FOXP2: variants seen among roughly 807,000 people sequenced by gnomAD.
The protein encoded by FOXP2 is forkhead box protein P2.
A neutral mutation model predicts 115.8 loss-of-function variants in FOXP2; 12 were observed. The observed-to-expected ratio is 0.10, with a 90% CI of 0.07 to 0.17. The LOEUF (loss-of-function observed/expected upper bound fraction) is 0.17. FOXP2 is among the 10% of genes least tolerant of loss of function. The pLI, the probability that FOXP2 is intolerant of heterozygous loss-of-function variation, is 1.00. For missense variants in FOXP2, 629 were observed against 843.5 expected, an observed-to-expected ratio of 0.75 and a Z score of 3.15; for synonymous variants, 328 against 297.7, an observed-to-expected ratio of 1.10 and a Z score of -1.05.
chr7:114,204,900 G>A (rs569912404), intron 1 of FOXP2, among the ~76,000 whole-genome samples: 9 of 129,182 alleles, frequency 7.0e-5, no homozygotes, highest in Admixed American at 4.4e-4. Context: ...AGAGTTGGCT[G>A]TTGGTTGTGT....
rs555370216 is a variant in FOXP2 at position 114,510,226 on chromosome 7, G to A, written c.169-24391G>A. On this transcript the variant is annotated intron_variant, in intron 2 of 16. Transcript: ENST00000350908. ...GAGGTGAATCAAAATTTTCATCTCA[G>A]TGTAATTGAGCTGTCCTGATTGCTG... Among the ~76,000 whole-genome samples the A allele has an allele frequency of 2.0e-4, 30 of 152,252 alleles. No individual in the cohort carries two copies. In the South Asian group the frequency reaches 4.1e-3, roughly 21 times the overall value.
intron 1 of FOXP2, among the ~76,000 whole-genome samples, chr7:114,225,180 G>A (rs1562824488): frequency 6.6e-6 from 1 of 151,960 alleles, no homozygotes; most frequent in South Asian, 2.1e-4. Context: ...GTATTAAGGG[G>A]TGGGGTATGT....
chr7:114,688,208 TACACACACACAC>T (rs56751704), intron 16 of FOXP2, among the ~76,000 whole-genome samples: 38,092 of 115,282 alleles, frequency 0.33, 7,856 homozygotes, highest in Non-Finnish European at 0.45. Flanking sequence ...CATACATGCA[TACACACACACAC>T]ACACACACAC....
intron 1 of FOXP2, among the ~76,000 whole-genome samples, chr7:114,282,191 G>A (rs879930667): frequency 4.6e-5 from 7 of 152,136 alleles, no homozygotes; most frequent in Non-Finnish European, 8.8e-5. Context: ...ATGTATATAT[G>A]TTTAGATCTG....
intron 1 of FOXP2, among the ~76,000 whole-genome samples, chr7:114,232,778 G>A (rs144110266): frequency 0.069 from 10,335 of 149,808 alleles, 479 homozygotes; most frequent in African/African-American, 0.14. Flanking sequence ...ATGCCATTGC[G>A]CTCTAGCCTG....
upstream of FOXP2, among the ~76,000 whole-genome samples, chr7:114,413,160 A>G (rs374956403): frequency 3.8e-4 from 58 of 152,248 alleles, 1 homozygote; most frequent in African/African-American, 1.3e-3. Flanking sequence ...GTGATAATGG[A>G]AACTATCCTT....
chr7:114,313,357 A>G (rs1797191831), intron 2 of FOXP2, among the ~76,000 whole-genome samples: 1 of 152,196 alleles, frequency 6.6e-6, no homozygotes, highest in Non-Finnish European at 1.5e-5. Flanking sequence ...TCTGGAGAAG[A>G]CAGTCTCTAA....
At chr7:114,555,493 T>A (rs1800410054) in intron 3 of FOXP2, among the ~76,000 whole-genome samples, 1 of 152,170 alleles carries the variant, frequency 6.6e-6, no homozygotes. Context: ...TATATTGTTT[T>A]GTGGTTAAGA....
chr7:114,411,265 G>A (rs751199479), upstream of FOXP2, among the ~76,000 whole-genome samples: 5 of 151,942 alleles, frequency 3.3e-5, no homozygotes, highest in Non-Finnish European at 7.4e-5. Flanking sequence ...AAGGAAATTG[G>A]GATTAGCCCC....
chr7:114,169,261 G>T (rs760048057), intron 1 of FOXP2, among the ~76,000 whole-genome samples: 5 of 152,210 alleles, frequency 3.3e-5, no homozygotes, highest in Non-Finnish European at 5.9e-5. Context: ...CTCAATGCCA[G>T]CTGGTGAAAG....
At chr7:114,606,512 G>A (rs1803340620) in intron 3 of FOXP2, among the ~76,000 whole-genome samples, 1 of 152,156 alleles carries the variant, frequency 6.6e-6, no homozygotes, top group African/African-American at 2.4e-5. Context: ...CATGAGGTAT[G>A]TCACAATGAG....
At chr7:114,426,372 G>T in intron 1 of FOXP2, 130 bp from the exon 2 acceptor site, 1 of 788,086 alleles carries the variant, frequency 1.3e-6, no homozygotes, top group South Asian at 1.6e-5. Flanking sequence ...CTTGGTAAAT[G>T]ACTATTCAAG....
chr7:114,271,523 T>C, intron 1 of FOXP2, among the ~76,000 whole-genome samples: 1 of 130,496 alleles, frequency 7.7e-6, no homozygotes, highest in Non-Finnish European at 1.6e-5. Flanking sequence ...AATATTAATA[T>C]AATTATTATA....
chr7:114,241,543 C>A (rs914971129), intron 1 of FOXP2, among the ~76,000 whole-genome samples: 1 of 151,814 alleles, frequency 6.6e-6, no homozygotes, highest in African/African-American at 2.4e-5. Flanking sequence ...TACAGATTGG[C>A]CTTCATATGG....
chr7:114,444,885 C>G (rs573798481), intron 2 of FOXP2, among the ~76,000 whole-genome samples: 157 of 151,468 alleles, frequency 1.0e-3, no homozygotes, highest in African/African-American at 3.5e-3. Flanking sequence ...GGTAACCAAG[C>G]TAGGGGTAAC....
intron 3 of FOXP2, among the ~76,000 whole-genome samples, chr7:114,546,979 C>T (rs1799956154): frequency 6.6e-6 from 1 of 152,146 alleles, no homozygotes; most frequent in African/African-American, 2.4e-5. Flanking sequence ...ACTACAGTAT[C>T]ACTTCCATTC....
chr7:114,685,366 A>G (rs1808307041), intron 16 of FOXP2, among the ~76,000 whole-genome samples: 2 of 152,172 alleles, frequency 1.3e-5, no homozygotes, highest in Admixed American at 6.6e-5. Flanking sequence ...GTCATGCAGG[A>G]TAACAAATAG....
chr7:114,259,897 T>G (rs1485887691), intron 1 of FOXP2, among the ~76,000 whole-genome samples: 1 of 152,184 alleles, frequency 6.6e-6, no homozygotes, highest in Admixed American at 6.5e-5. Context: ...TTTTTGTTGT[T>G]GTTGTTGTTT....
intron 2 of FOXP2, among the ~76,000 whole-genome samples, chr7:114,528,371 A>G (rs772913051): frequency 6.6e-6 from 1 of 152,014 alleles, no homozygotes; most frequent in Non-Finnish European, 1.5e-5. Flanking sequence ...AACATTGTCT[A>G]TGGCCTTTTG....
Sources: gnomAD v4.1 joint callset for allele counts (sites outside exome capture counted in the v4.1 genomes callset) on GRCh38, gnomAD v4.1.1 for gene constraint, MANE v1.5 for transcripts, NCBI Gene and HGNC (gene_info 2026-07-23, HGNC 2026-07-21) for gene names.